The following CELSR1 variants were observed in gnomAD, a reference collection of about 807,000 sequenced individuals.
The protein encoded by CELSR1 is cadherin EGF LAG seven-pass G-type receptor 1.
A neutral mutation model predicts 249.1 loss-of-function variants in CELSR1; 110 were observed. That is an observed-to-expected ratio of 0.44 (90% CI 0.38 to 0.52). CELSR1 has a LOEUF of 0.52. Among genes scored for constraint, CELSR1 ranks in the 20% least tolerant of loss-of-function variants. The pLI is 0.00. For synonymous variants in CELSR1, 2,113 were observed against 1,900.0 expected (o/e 1.11, Z -2.92); for missense variants, 4,109 against 4,296.4 (o/e 0.96, Z 1.22).
Position 46,456,465 on chromosome 22 carries a change from A to C in CELSR1, c.4183+7242T>G, listed in dbSNP as rs918860024. On this transcript the variant is annotated intron_variant, in intron 2 of 34. Transcript: ENST00000674500. ...ACGAGGTCAGGAGATCGAGACCGTC[A>C]TGGTTAACAAGGTGACACCCCGTCT... 1.3e-4 allele frequency among the ~76,000 whole-genome samples: 20 copies of C among 152,092 alleles called. No homozygotes were observed. In the South Asian group the frequency reaches 2.5e-3, roughly 19 times the overall value.
chr22:46,482,208 G>A (rs979621100), intron 1 of CELSR1, among the ~76,000 whole-genome samples: 11 of 152,216 alleles, frequency 7.2e-5, no homozygotes, highest in African/African-American at 2.2e-4. Context: ...GGGCACGGCC[G>A]CTCACCAGCA....
In CELSR1 at chr22:46,408,214, A is replaced by G. The variant is rs550517691; in HGVS notation, c.5226+782T>C. 6.6e-6 allele frequency among the ~76,000 whole-genome samples: 1 copy of G among 152,370 alleles called. No homozygotes were observed. Among genetic ancestry groups the G allele is most frequent in the South Asian group, 2.1e-4 (1 of 4,834 alleles). ...TTTTGTTTCAAATAAACGAAACAGT[A>G]AAGATCAATAAGACAGAGAAAACAG... On this transcript the variant is annotated intron_variant, in intron 9 of 34. Transcript: ENST00000674500. This position sits in a 1 kb window ranked among gnomAD's most constrained non-coding sequence, Gnocchi z 4.6.
chr22:46,510,578 G>A (rs1194078559), intron 1 of CELSR1, among the ~76,000 whole-genome samples: 2 of 152,174 alleles, frequency 1.3e-5, no homozygotes, highest in South Asian at 4.1e-4. Flanking sequence ...GACGAGAGCC[G>A]CCTTCATCTC....
rs547364572 is a variant in CELSR1, at chr22:46,402,219, CTT to C, written c.5227-2319_5227-2318del. On this transcript the variant is annotated intron_variant, in intron 9 of 34. Transcript: ENST00000674500. The surrounding 1 kb of genome is among the most constrained non-coding windows in gnomAD (Gnocchi z 5.0). ...CATCCCCATTCTAGTTTCTCTTTTTCTTTTTTTTTTTTTTGAGACAGAGTTTC... is the reference window on the plus strand; with the variant it reads ...CATCCCCATTCTAGTTTCTCTTTTTCTTTTTTTTTTTTGAGACAGAGTTTC... 1.5e-4 allele frequency among the ~76,000 whole-genome samples: 21 copies of C among 143,216 alleles called. No homozygotes were observed. Among genetic ancestry groups the C allele is most frequent in the Admixed American group, 1.4e-4 (2 of 14,268 alleles). 94.0% of individuals were successfully genotyped at this position (143,216 alleles called of 152,430 possible). A position where few individuals can be genotyped will look rare whatever the true frequency, so the allele number is the denominator to read the frequency against.
At position 46,395,991 on chromosome 22, in the gene CELSR1, A is replaced by G. The variant is rs1332804980; in HGVS notation, c.5843+614T>C. ...AGAGAAAGCATTCTCTGTAAACCACATGCGTCTCCCTGCATCTCATGGGGC... is the reference window on the plus strand; with the variant it reads ...AGAGAAAGCATTCTCTGTAAACCACGTGCGTCTCCCTGCATCTCATGGGGC... On this transcript the variant is annotated intron_variant, in intron 13 of 34. Coordinates refer to ENST00000674500, the MANE Select transcript of CELSR1 (RefSeq NM_001378328.1). The surrounding 1 kb of genome is among the most constrained non-coding windows in gnomAD (Gnocchi z 5.5). Among the ~76,000 whole-genome samples, 1 of 152,024 alleles carries G rather than the reference A, an allele frequency of 6.6e-6. No homozygotes were observed. Among genetic ancestry groups the G allele is most frequent in the Non-Finnish European group, 1.5e-5 (1 of 67,996 alleles).
intron 24 of CELSR1, among the ~76,000 whole-genome samples, chr22:46,375,373 C>T (rs77797820): frequency 0.058 from 8,861 of 151,986 alleles, 355 homozygotes; most frequent in Non-Finnish European, 0.09. Flanking sequence ...CGTCAAACTC[C>T]CCTGACTCCT....
Position 46,382,154 on chromosome 22 carries a change from C to T in CELSR1, c.6884-104G>A, listed in dbSNP as rs891414618. 5 of 1,091,332 alleles carry T rather than the reference C, an allele frequency of 4.6e-6. No homozygotes were observed. In the African/African-American group the frequency reaches 6.4e-5, roughly 14 times the overall value. 67.6% of individuals were successfully genotyped at this position (1,091,332 alleles called of 1,614,324 possible). ...TTCTCAAAAACCAACAGATGTCCCA[C>T]AGAAAACAGTACCGTGGGTCCCCAA... On this transcript the variant is annotated intron_variant, in intron 20 of 34. Transcript: ENST00000674500.
rs1382906865 is a variant in CELSR1 at position 46,490,415 on chromosome 22, T to G, written c.3545-26070A>C. ...AATTCTTCTCCCTCAGCCTCCTGAGTAGCTGGGATCACAGGCACCCACCAT... is the reference window on the plus strand; with the variant it reads ...AATTCTTCTCCCTCAGCCTCCTGAGGAGCTGGGATCACAGGCACCCACCAT... On this transcript the variant is annotated intron_variant, in intron 1 of 34. Transcript: ENST00000674500. The surrounding 1 kb of genome is among the most constrained non-coding windows in gnomAD (Gnocchi z 5.2). Among the ~76,000 whole-genome samples the G allele has an allele frequency of 6.6e-6, 1 of 151,988 alleles. No individual in the cohort carries two copies. The highest frequency in any genetic ancestry group is 1.5e-5 in the Non-Finnish European group (1 of 67,996).
chr22:46,411,678 T>C lies in CELSR1; in HGVS notation c.4693A>G (p.Thr1565Ala), dbSNP rs745729101. ...TCCTTTCCAAAGCGCACAGCCATGG[T>C]TGTGTCACAATCATCCACTGTCACC... ...AVVTVDDCDT[T>A]MAVRFGKDIG... The change falls in exon 6 of 35, where the codon ACC (threonine) becomes GCC (alanine). Residue 1565 changes from threonine (T) to alanine (A), a missense_variant. By Grantham distance (58) the Thr-to-Ala change is moderately conservative. Transcript: ENST00000674500. This position sits in a 1 kb window ranked among gnomAD's most constrained non-coding sequence, Gnocchi z 4.2. 3.1e-6 allele frequency: 5 copies of C among 1,614,216 alleles called. No individual in the cohort carries two copies. Among genetic ancestry groups the C allele is most frequent in the Admixed American group, 1.7e-5 (1 of 60,032 alleles).
rs1293126598 is a variant in CELSR1 at position 46,393,723 on chromosome 22, G to T, written c.5964+419C>A. ...ACTGCACTCCAGCCTGGGCGACACAGCGAGACTCTGTCTCAAAAAAAAAAA... is the reference window on the plus strand; with the variant it reads ...ACTGCACTCCAGCCTGGGCGACACATCGAGACTCTGTCTCAAAAAAAAAAA... On this transcript the variant is annotated intron_variant, in intron 14 of 34. Coordinates refer to ENST00000674500, the MANE Select transcript of CELSR1 (RefSeq NM_001378328.1). The surrounding 1 kb of genome is among the most constrained non-coding windows in gnomAD (Gnocchi z 4.1). 1.3e-5 allele frequency among the ~76,000 whole-genome samples: 2 copies of T among 149,444 alleles called. No homozygotes were observed. Among genetic ancestry groups the T allele is most frequent in the African/African-American group, 4.9e-5 (2 of 40,448 alleles).
At chr22:46,422,530 T>C (rs1483034545) in intron 5 of CELSR1, among the ~76,000 whole-genome samples, 2 of 151,262 alleles carry the variant, frequency 1.3e-5, no homozygotes, top group Admixed American at 6.6e-5. Flanking sequence ...GTCAGGTGAC[T>C]GAGACCATCC....
intron 1 of CELSR1, among the ~76,000 whole-genome samples, chr22:46,528,991 C>T (rs781159276): frequency 6.6e-6 from 1 of 150,904 alleles, no homozygotes; most frequent in Non-Finnish European, 1.5e-5. Context: ...CTGGGCCGGG[C>T]ACAGTGGCTC....
chr22:46,483,025 C>T (rs62233273), intron 1 of CELSR1, among the ~76,000 whole-genome samples: 18,328 of 152,152 alleles, frequency 0.12, 1,353 homozygotes, highest in East Asian at 0.17. Flanking sequence ...GTCTACATAA[C>T]GGACAAAGTG....
chr22:46,536,760 G>A lies in CELSR1; in HGVS notation c.411C>T (p.Gly137=). The A allele has an allele frequency of 8.5e-7, 1 of 1,182,796 alleles. No homozygotes were observed. The highest frequency in any genetic ancestry group is 3.7e-5 in the South Asian group (1 of 27,012). 73.3% of individuals were successfully genotyped at this position (1,182,796 alleles called of 1,614,324 possible). A position where few individuals can be genotyped will look rare whatever the true frequency, so the allele number is the denominator to read the frequency against. Residue 137 remains glycine (G), a synonymous_variant, in exon 1 of 35, where the codon GGC becomes GGT. Coordinates refer to ENST00000674500, the MANE Select transcript of CELSR1 (RefSeq NM_001378328.1). ...LCGALCFPVP[G]GCAAAQHSAL... ...CCGAATGCTGCGCGGCCGCGCAGCC[G>A]CCGGGGACGGGGAAGCAGAGCGCCC...
At position 46,423,537 on chromosome 22, in the gene CELSR1, A is replaced by C. The variant is rs1282031892; in HGVS notation, c.4611+9856T>G. Reference sequence around the variant, plus strand: ...GGAGAATTGCTTGAACCTGGGAGGCAGAGGTTGCGGTGAGCCGAGATCGCG... The same window carrying C: ...GGAGAATTGCTTGAACCTGGGAGGCCGAGGTTGCGGTGAGCCGAGATCGCG... On this transcript the variant is annotated intron_variant, in intron 5 of 34. Coordinates refer to ENST00000674500, the MANE Select transcript of CELSR1 (RefSeq NM_001378328.1). The surrounding 1 kb of genome is among the most constrained non-coding windows in gnomAD (Gnocchi z 5.6). 4.8e-5 allele frequency among the ~76,000 whole-genome samples: 7 copies of C among 147,312 alleles called. No homozygotes were observed. Among genetic ancestry groups the C allele is most frequent in the Non-Finnish European group, 8.9e-5 (6 of 67,068 alleles).
chr22:46,369,004 C>T, intron 27 of CELSR1, 175 bp downstream of exon 27: 1 of 614,840 alleles, frequency 1.6e-6, no homozygotes. Context: ...CTCCCCCAGC[C>T]CCTGCAGGTG....
intron 2 of CELSR1, among the ~76,000 whole-genome samples, chr22:46,443,508 G>A (rs1417560966): frequency 6.6e-6 from 1 of 152,234 alleles, no homozygotes; most frequent in South Asian, 2.1e-4. Flanking sequence ...CGCTATGGGG[G>A]TCAGCCCACC....
chr22:46,475,124 T>A (rs1252435949), intron 1 of CELSR1, among the ~76,000 whole-genome samples: 2 of 152,094 alleles, frequency 1.3e-5, no homozygotes, highest in African/African-American at 4.8e-5. Flanking sequence ...TCCTAAATTA[T>A]AAAATCCTAG....
At chr22:46,377,415 G>A in intron 23 of CELSR1, 154 bp from the exon 24 acceptor site, 1 of 818,424 alleles carries the variant, frequency 1.2e-6, no homozygotes, top group Non-Finnish European at 1.9e-6. Context: ...TCATGGCTCT[G>A]GGCCTGGAAC....
Sources: allele counts gnomAD v4.1 joint callset (sites outside exome capture counted in the v4.1 genomes callset), GRCh38; gene constraint gnomAD v4.1.1; non-coding constraint Gnocchi (gnomAD v3.1); transcripts MANE v1.5; gene names NCBI Gene and HGNC (gene_info 2026-07-23, HGNC 2026-07-21).